Variants in EPHB1 observed in about 807,000 individuals in gnomAD.
EPHB1 encodes the protein ephrin type-B receptor 1.
A neutral mutation model predicts 94.4 loss-of-function variants in EPHB1; 30 were observed. The ratio of observed to expected loss-of-function variants is 0.32; its 90% CI spans 0.24 to 0.43. The LOEUF is 0.43. Among genes scored for constraint, EPHB1 ranks in the 20% least tolerant of loss-of-function variants. The pLI is 1.00. For missense variants in EPHB1, 1,055 were observed against 1,308.3 expected (o/e 0.81, Z 2.99); for synonymous variants, 522 against 489.1 (o/e 1.07, Z -0.89).
chr3:135,253,048 C>A (rs1490739319), intron 15 of EPHB1, among the ~76,000 whole-genome samples: 1 of 150,078 alleles, frequency 6.7e-6, no homozygotes, highest in East Asian at 2.0e-4. Context: ...CCTTTGCCCA[C>A]TTTTTGATGG....
At chr3:135,246,515 G>A (rs981620078) in intron 13 of EPHB1, among the ~76,000 whole-genome samples, 4 of 152,156 alleles carry the variant, frequency 2.6e-5, no homozygotes, top group African/African-American at 9.7e-5. Flanking sequence ...CAGAGGCCTA[G>A]GAAATACGGC....
At chr3:134,927,725 C>T (rs1179302844) in intron 2 of EPHB1, among the ~76,000 whole-genome samples, 1 of 152,228 alleles carries the variant, frequency 6.6e-6, no homozygotes, top group Non-Finnish European at 1.5e-5. Context: ...AAAGTCAAGG[C>T]ATGCCCTTTA....
At chr3:134,899,970 G>A (rs1299744291) in intron 1 of EPHB1, among the ~76,000 whole-genome samples, 1 of 152,240 alleles carries the variant, frequency 6.6e-6, no homozygotes, top group Non-Finnish European at 1.5e-5. Context: ...GCTGGGAGTT[G>A]TAGGACATGG....
intron 1 of EPHB1, among the ~76,000 whole-genome samples, chr3:134,922,263 G>A (rs1296786134): frequency 6.6e-6 from 1 of 152,234 alleles, no homozygotes; most frequent in Non-Finnish European, 1.5e-5. Context: ...CCTCTCCAGG[G>A]AGATGTAAAC....
chr3:134,909,538 C>G (rs115299566), intron 1 of EPHB1, among the ~76,000 whole-genome samples: 7 of 152,338 alleles, frequency 4.6e-5, no homozygotes, highest in Admixed American at 3.9e-4. Flanking sequence ...ATTTGGATAG[C>G]AGGCAGTGCT....
At chr3:134,841,868 C>T (rs1413576677) in intron 1 of EPHB1, among the ~76,000 whole-genome samples, 1 of 152,178 alleles carries the variant, frequency 6.6e-6, no homozygotes, top group Non-Finnish European at 1.5e-5. Flanking sequence ...GCGTTGTTTG[C>T]CACTTAATGA....
chr3:134,948,997 T>A (rs1031784719), intron 2 of EPHB1, among the ~76,000 whole-genome samples: 3 of 151,748 alleles, frequency 2.0e-5, no homozygotes, highest in Non-Finnish European at 4.4e-5. Context: ...GAGTTGTGAG[T>A]TTGGGGATGT....
At chr3:134,941,730 G>A (rs1192563941) in intron 2 of EPHB1, among the ~76,000 whole-genome samples, 1 of 146,446 alleles carries the variant, frequency 6.8e-6, no homozygotes, top group African/African-American at 2.6e-5. Context: ...AGTTTTGATA[G>A]CATGCTTTAC....
intron 3 of EPHB1, among the ~76,000 whole-genome samples, chr3:135,084,844 G>C (rs907115604): frequency 1.3e-5 from 2 of 152,212 alleles, no homozygotes; most frequent in Non-Finnish European, 2.9e-5. Context: ...GATAGGCCCA[G>C]ATAAGCAGAC....
chr3:134,872,458 G>T (rs902539871), intron 1 of EPHB1, among the ~76,000 whole-genome samples: 1 of 152,168 alleles, frequency 6.6e-6, no homozygotes, highest in African/African-American at 2.4e-5. Context: ...AGCAGAATTT[G>T]CCATTTTCAT....
intron 3 of EPHB1, among the ~76,000 whole-genome samples, chr3:135,062,932 T>A (rs930378824): frequency 6.6e-6 from 1 of 152,222 alleles, no homozygotes; most frequent in African/African-American, 2.4e-5. Context: ...GGATGATTTG[T>A]TGAAAAGGGT....
chr3:134,997,333 C>T (rs1935027917), intron 3 of EPHB1, among the ~76,000 whole-genome samples: 1 of 152,232 alleles, frequency 6.6e-6, no homozygotes, highest in East Asian at 1.9e-4. Flanking sequence ...CAGGATATGT[C>T]TGGGGTCTCC....
At chr3:135,137,074 C>T (rs1370242737) in intron 5 of EPHB1, among the ~76,000 whole-genome samples, 3 of 152,118 alleles carry the variant, frequency 2.0e-5, no homozygotes, top group South Asian at 2.1e-4. Flanking sequence ...CAAATAGACT[C>T]GGAGTGTCAA....
At chr3:135,068,395 C>T (rs969166817) in intron 3 of EPHB1, among the ~76,000 whole-genome samples, 27 of 152,190 alleles carry the variant, frequency 1.8e-4, no homozygotes, top group Admixed American at 1.6e-3. Context: ...ATTGTGGTTT[C>T]AATTTGCATT....
chr3:134,892,749 G>A (rs1438425018), intron 1 of EPHB1, among the ~76,000 whole-genome samples: 3 of 151,652 alleles, frequency 2.0e-5, no homozygotes, highest in Admixed American at 2.0e-4. Context: ...CTTTCCCTAG[G>A]CCCTTCCTTT....
At chr3:134,847,306 G>A (rs905664270) in intron 1 of EPHB1, among the ~76,000 whole-genome samples, 1 of 152,194 alleles carries the variant, frequency 6.6e-6, no homozygotes, top group Non-Finnish European at 1.5e-5. Context: ...TGCTAAAGCA[G>A]GGAGCCCCAG....
chr3:135,004,365 G>A (rs1935306849), intron 3 of EPHB1, among the ~76,000 whole-genome samples: 1 of 151,700 alleles, frequency 6.6e-6, no homozygotes, highest in Admixed American at 6.6e-5. Context: ...AGGGTAACCC[G>A]ACCTTTCTCT....
intron 1 of EPHB1, among the ~76,000 whole-genome samples, chr3:134,906,119 T>C (rs954089821): frequency 1.2e-4 from 18 of 152,174 alleles, no homozygotes; most frequent in African/African-American, 3.9e-4. Flanking sequence ...TTATACACGT[T>C]CCTCTGCAAA....
chr3:134,917,347 C>G (rs1302838215), intron 1 of EPHB1, among the ~76,000 whole-genome samples: 1 of 152,214 alleles, frequency 6.6e-6, no homozygotes, highest in Non-Finnish European at 1.5e-5. Flanking sequence ...ATTGAAAAGA[C>G]CTTCCCATGT....
Sources: gnomAD v4.1 joint callset for allele counts (sites outside exome capture counted in the v4.1 genomes callset) on GRCh38, gnomAD v4.1.1 for gene constraint, MANE v1.5 for transcripts, NCBI Gene and HGNC (gene_info 2026-07-23, HGNC 2026-07-21) for gene names.